TENM2: variants seen among roughly 807,000 people sequenced by gnomAD.
TENM2 encodes the protein teneurin-2.
In TENM2, 52 loss-of-function variants were observed where a neutral mutation model predicts 245.2. The ratio of observed to expected loss-of-function variants is 0.21; its 90% CI spans 0.17 to 0.27. The LOEUF is 0.27. TENM2 is among the 10% of genes least tolerant of loss of function. The probability of loss-of-function intolerance (pLI) is 1.00; values close to 1 mark genes in which losing one functional copy is unlikely to be tolerated. For missense variants in TENM2, 3,046 were observed against 3,666.8 expected (o/e 0.83, Z 4.37); for synonymous variants, 1,363 against 1,438.9 (o/e 0.95, Z 1.19).
chr5:168,176,169 T>TC (rs199804912), intron 13 of TENM2, among the ~76,000 whole-genome samples: 2,451 of 152,206 alleles, frequency 0.016, 38 homozygotes, highest in South Asian at 0.07. Flanking sequence ...TCTAATCTGT[T>TC]CCCCACAGAG....
rs144371236 is a variant in TENM2 at position 167,515,963 on chromosome 5, C to G, written c.502+140490C>G. ...AAAAGTTCTGTCTATTTGATGAACTCTCTACCAGTCTTTGCTGTGAAGTAA... is the reference window on the plus strand; with the variant it reads ...AAAAGTTCTGTCTATTTGATGAACTGTCTACCAGTCTTTGCTGTGAAGTAA... On this transcript the variant is annotated intron_variant, in intron 2 of 28. Coordinates refer to ENST00000518659, the Ensembl canonical transcript of TENM2. Among the ~76,000 whole-genome samples the G allele has an allele frequency of 2.8e-4, 43 of 152,226 alleles. No individual in the cohort carries two copies. The East Asian group carries it at 8.1e-3, about 29-fold the overall frequency.
At chr5:167,851,197 G>T (rs1272571431) in intron 2 of TENM2, among the ~76,000 whole-genome samples, 1 of 152,028 alleles carries the variant, frequency 6.6e-6, no homozygotes, top group Non-Finnish European at 1.5e-5. Context: ...ATCTGGGGGT[G>T]GTGGCAGAGG....
the TENM2 span, among the ~76,000 whole-genome samples, chr5:167,006,290 A>G: frequency 6.6e-6 from 1 of 152,220 alleles, no homozygotes. Flanking sequence ...GTAGAAGAGA[A>G]TGTACATACC....
chr5:167,931,014 G>T (rs576515604), intron 3 of TENM2, among the ~76,000 whole-genome samples: 1 of 152,080 alleles, frequency 6.6e-6, no homozygotes, highest in Non-Finnish European at 1.5e-5. Flanking sequence ...GCAGAAGATC[G>T]CAAACTAGTG....
intron 1 of TENM2, among the ~76,000 whole-genome samples, chr5:167,295,403 C>T (rs562613857): frequency 9.9e-5 from 15 of 152,212 alleles, no homozygotes; most frequent in Admixed American, 2.0e-4. Context: ...TAAGTCTCTG[C>T]AGCTGTCTAC....
chr5:167,679,248 T>C (rs971568679), intron 2 of TENM2, among the ~76,000 whole-genome samples: 1 of 152,142 alleles, frequency 6.6e-6, no homozygotes, highest in African/African-American at 2.4e-5. Flanking sequence ...TAGGAATAAA[T>C]AGTACTAATA....
At chr5:168,240,640 G>A (rs1274225195) in intron 25 of TENM2, among the ~76,000 whole-genome samples, 2 of 99,010 alleles carry the variant, frequency 2.0e-5, no homozygotes, top group Admixed American at 1.9e-4. Flanking sequence ...TACCAGAGCA[G>A]ACACCAAAGC....
intron 25 of TENM2, among the ~76,000 whole-genome samples, chr5:168,235,105 G>A (rs910128757): frequency 1.3e-5 from 2 of 152,164 alleles, no homozygotes; most frequent in African/African-American, 4.8e-5. Context: ...ACTCAAGCCG[G>A]TCTGTTAACA....
chr5:167,858,693 T>C (rs934128289), intron 2 of TENM2, among the ~76,000 whole-genome samples: 5 of 151,292 alleles, frequency 3.3e-5, no homozygotes, highest in Admixed American at 2.6e-4. Flanking sequence ...GGGCACCAGC[T>C]GCAGATATGA....
At chr5:167,452,931 T>TATATATATATA (rs1554157698) in intron 2 of TENM2, among the ~76,000 whole-genome samples, 4 of 4,880 alleles carry the variant, frequency 8.2e-4, no homozygotes, top group East Asian at 6.5e-3. Flanking sequence ...AAAGTATGAT[T>TATATATATATA]TATATATATA....
chr5:167,445,336 T>TATATATATATAGAG (rs368881390), intron 2 of TENM2, among the ~76,000 whole-genome samples: 15 of 77,308 alleles, frequency 1.9e-4, no homozygotes, highest in African/African-American at 7.8e-4. Context: ...TATATATATA[T>TATATATATATAGAG]AGAGAGAGAG....
chr5:168,136,754 G>T (rs1264128498), intron 12 of TENM2, among the ~76,000 whole-genome samples: 1 of 152,190 alleles, frequency 6.6e-6, no homozygotes, highest in African/African-American at 2.4e-5. Flanking sequence ...AGTGGAGGAT[G>T]CTTACAAGTT....
At chr5:168,158,850 T>TATATATATATATATATATATATACACAC (rs1339051385) in intron 12 of TENM2, among the ~76,000 whole-genome samples, 12 of 62,294 alleles carry the variant, frequency 1.9e-4, no homozygotes, top group South Asian at 4.5e-4. Context: ...TATATATATA[T>TATATATATATATATATATATATACACAC]ACACACACAC....
chr5:167,413,658 C>A (rs1358768566), intron 2 of TENM2, among the ~76,000 whole-genome samples: 1 of 152,118 alleles, frequency 6.6e-6, no homozygotes, highest in Non-Finnish European at 1.5e-5. Flanking sequence ...AAGCCAGACC[C>A]TATGCTTTAC....
chr5:167,089,277 G>A, the TENM2 span, among the ~76,000 whole-genome samples: 1 of 152,104 alleles, frequency 6.6e-6, no homozygotes, highest in African/African-American at 2.4e-5. Flanking sequence ...TGCATGATAT[G>A]GGTTATTTTT....
rs114196256 is a variant in TENM2, at chr5:167,917,994, G to T, written c.713-34594G>T. Among the ~76,000 whole-genome samples the T allele has an allele frequency of 8.3e-3, 1,261 of 151,898 alleles. 15 individuals are homozygous for T. The highest frequency in any genetic ancestry group is 0.029 in the African/African-American group (1,182 of 41,418). ...TAGGTTATTATTATTACTATTTTTG[G>T]CTATAAAAGACAACAATAACAACAA... On this transcript the variant is annotated intron_variant, in intron 3 of 28. Transcript: ENST00000518659.
chr5:168,058,780 T>C (rs145987179), intron 6 of TENM2, among the ~76,000 whole-genome samples: 126 of 152,350 alleles, frequency 8.3e-4, no homozygotes, highest in African/African-American at 2.8e-3. Flanking sequence ...CACATAGTTT[T>C]TCATCCTTTT....
At chr5:167,903,219 A>G (rs571239509) in intron 3 of TENM2, among the ~76,000 whole-genome samples, 1 of 152,182 alleles carries the variant, frequency 6.6e-6, no homozygotes, top group Non-Finnish European at 1.5e-5. Flanking sequence ...TTCAGCTAAT[A>G]ATAATTGTAC....
the TENM2 span, among the ~76,000 whole-genome samples, chr5:167,103,297 T>C: frequency 6.6e-6 from 1 of 152,222 alleles, no homozygotes; most frequent in Non-Finnish European, 1.5e-5. Flanking sequence ...TAGTATTCTA[T>C]ACATTTATAT....
Sources: allele counts gnomAD v4.1 joint callset (sites outside exome capture counted in the v4.1 genomes callset), GRCh38; gene constraint gnomAD v4.1.1; transcripts MANE v1.5; gene names NCBI Gene and HGNC (gene_info 2026-07-23, HGNC 2026-07-21).